Variants in XRCC6 observed in about 807,000 individuals in gnomAD.
XRCC6 encodes X-ray repair cross complementing 6, also known as DNA repair protein Ku70.
In XRCC6, 5 loss-of-function variants were observed where a neutral mutation model predicts 65.7. The observed-to-expected ratio is 0.08, with a 90% CI of 0.04 to 0.16. The LOEUF is 0.16. Ranked by LOEUF, XRCC6 falls within the 10% of genes least tolerant of loss-of-function variation. The probability of loss-of-function intolerance (pLI) is 1.00; values close to 1 mark genes in which losing one functional copy is unlikely to be tolerated. For synonymous variants in XRCC6, 270 were observed against 270.6 expected, an observed-to-expected ratio of 1.00 and a Z score of 0.02; for missense variants, 447 against 738.1, an observed-to-expected ratio of 0.61 and a Z score of 4.57.
In XRCC6 at chr22:41,629,861, G is replaced by A. The variant is rs374762563; in HGVS notation, c.195+1631G>A. 1.2e-3 allele frequency among the ~76,000 whole-genome samples: 185 copies of A among 152,070 alleles called. 1 individual carries two copies. The highest frequency in any genetic ancestry group is 4.2e-3 in the African/African-American group (175 of 41,486). ...ATTTTTTGTGTTTTTAGTAGAGACGGGGTTTCACCGTGTTAGCCAGGATGG... is the reference window on the plus strand; with the variant it reads ...ATTTTTTGTGTTTTTAGTAGAGACGAGGTTTCACCGTGTTAGCCAGGATGG... On this transcript the variant is annotated intron_variant, in intron 3 of 12. Transcript: ENST00000360079.
chr22:41,621,809 T>A (rs1474930948), intron 1 of XRCC6, 181 bp from the exon 2 acceptor site: 1 of 586,224 alleles, frequency 1.7e-6, no homozygotes, highest in South Asian at 2.1e-5. Flanking sequence ...AGGCAGCTAC[T>A]GGGATGGCCC....
At chr22:41,625,500 C>T (rs1482337644) in intron 2 of XRCC6, among the ~76,000 whole-genome samples, 1 of 152,230 alleles carries the variant, frequency 6.6e-6, no homozygotes, top group Non-Finnish European at 1.5e-5. Context: ...CATAGTGGCA[C>T]ATGCCCGTAA....
intron 6 of XRCC6, among the ~76,000 whole-genome samples, chr22:41,646,426 AT>A (rs2067932923): frequency 6.6e-6 from 1 of 152,134 alleles, no homozygotes; most frequent in Non-Finnish European, 1.5e-5. Flanking sequence ...CTATCATTTT[AT>A]TATACGGGTT....
intron 7 of XRCC6, among the ~76,000 whole-genome samples, chr22:41,648,754 A>C (rs1304425961): frequency 6.6e-6 from 1 of 152,162 alleles, no homozygotes; most frequent in Non-Finnish European, 1.5e-5. Context: ...CTACTCTTTG[A>C]AGGAGAAAAA....
intron 6 of XRCC6, among the ~76,000 whole-genome samples, chr22:41,642,786 A>G (rs976247649): frequency 5.3e-5 from 8 of 152,196 alleles, no homozygotes; most frequent in African/African-American, 1.9e-4. Flanking sequence ...ATTTATCGTC[A>G]ACTCTCCTTC....
chr22:41,627,322 A>G (rs996404165), intron 2 of XRCC6, among the ~76,000 whole-genome samples: 2 of 152,006 alleles, frequency 1.3e-5, no homozygotes, highest in African/African-American at 4.8e-5. Flanking sequence ...CTCTTAGGCC[A>G]GGGCGGGGTG....
At chr22:41,630,618 C>T (rs111595671) in intron 3 of XRCC6, among the ~76,000 whole-genome samples, 2,599 of 151,266 alleles carry the variant, frequency 0.017, 73 homozygotes, top group African/African-American at 0.059. Flanking sequence ...ACAAAGGTCT[C>T]TGGTTTTCCT....
intron 6 of XRCC6, 73 bp downstream of exon 6, chr22:41,637,864 C>G (rs1309973050): frequency 2.0e-5 from 29 of 1,483,686 alleles, no homozygotes; most frequent in Non-Finnish European, 2.6e-5. Flanking sequence ...GTGGCTCACA[C>G]CTGTAATCCC....
intron 8 of XRCC6, among the ~76,000 whole-genome samples, chr22:41,651,722 T>G (rs2068000082): frequency 6.6e-6 from 1 of 151,702 alleles, no homozygotes; most frequent in Non-Finnish European, 1.5e-5. Context: ...GAGACGAGGT[T>G]TCACCATTTT....
At chr22:41,648,448 T>G (rs540905736) in intron 7 of XRCC6, among the ~76,000 whole-genome samples, 1 of 152,248 alleles carries the variant, frequency 6.6e-6, no homozygotes, top group African/African-American at 2.4e-5. Context: ...AAGTGTGAAG[T>G]GAACTCATTT....
intron 6 of XRCC6, among the ~76,000 whole-genome samples, chr22:41,645,534 G>C (rs191197562): frequency 8.3e-4 from 126 of 152,160 alleles, no homozygotes. Flanking sequence ...TCCAGGGTCA[G>C]ATATGCCCAC....
chr22:41,643,431 GT>G (rs1433704099), intron 6 of XRCC6, among the ~76,000 whole-genome samples: 2 of 151,932 alleles, frequency 1.3e-5, no homozygotes, highest in Admixed American at 6.6e-5. Context: ...AAACAAAAAA[GT>G]GTTAAAGCTG....
intron 8 of XRCC6, among the ~76,000 whole-genome samples, chr22:41,651,837 G>T (rs1327467927): frequency 1.3e-5 from 2 of 151,928 alleles, no homozygotes; most frequent in Non-Finnish European, 2.9e-5. Context: ...AGGCTGGAGT[G>T]AAGTGGCGCA....
chr22:41,622,358 T>G (rs1011729524), intron 2 of XRCC6, among the ~76,000 whole-genome samples: 11 of 152,220 alleles, frequency 7.2e-5, no homozygotes, highest in African/African-American at 2.7e-4. Context: ...TTTTGTCATC[T>G]TAAGTGGTTC....
chr22:41,631,963 C>CA (rs954254432), intron 3 of XRCC6, among the ~76,000 whole-genome samples: 1 of 151,994 alleles, frequency 6.6e-6, no homozygotes, highest in African/African-American at 2.4e-5. Context: ...CCGTCTCCAC[C>CA]AAAAAAATAC....
intron 7 of XRCC6, among the ~76,000 whole-genome samples, chr22:41,647,422 A>G (rs1022909695): frequency 6.6e-6 from 1 of 152,074 alleles, no homozygotes; most frequent in African/African-American, 2.4e-5. Flanking sequence ...TCTCTACTAA[A>G]AATACAAAAT....
At chr22:41,624,984 G>A (rs998067176) in intron 2 of XRCC6, among the ~76,000 whole-genome samples, 16 of 151,954 alleles carry the variant, frequency 1.1e-4, no homozygotes, top group African/African-American at 2.9e-4. Flanking sequence ...GCGACAGAGC[G>A]AGACTCCGTC....
At chr22:41,623,835 C>T (rs946390578) in intron 2 of XRCC6, among the ~76,000 whole-genome samples, 2 of 152,194 alleles carry the variant, frequency 1.3e-5, no homozygotes, top group African/African-American at 4.8e-5. Context: ...ATTCTCCCAT[C>T]TCAGCCTCCC....
chr22:41,627,889 G>A (rs2147068505), intron 2 of XRCC6, among the ~76,000 whole-genome samples: 1 of 152,090 alleles, frequency 6.6e-6, no homozygotes, highest in Non-Finnish European at 1.5e-5. Flanking sequence ...AAAAAAGTCA[G>A]GATATTGACT....
Sources: allele counts gnomAD v4.1 joint callset (sites outside exome capture counted in the v4.1 genomes callset), GRCh38; gene constraint gnomAD v4.1.1; transcripts MANE v1.5; gene names NCBI Gene and HGNC (gene_info 2026-07-23, HGNC 2026-07-21).